The following NCALD variants were observed in gnomAD, a reference collection of about 807,000 sequenced individuals.
The protein encoded by NCALD is neurocalcin-delta.
In NCALD, 10 loss-of-function variants were observed where a neutral mutation model predicts 18.6. The ratio of observed to expected loss-of-function variants is 0.54; its 90% CI spans 0.33 to 0.91. The LOEUF (loss-of-function observed/expected upper bound fraction) is 0.91, where lower values mean the gene tolerates loss of function less well. Among genes scored for constraint, NCALD ranks in the 40% least tolerant of loss-of-function variants. The probability of loss-of-function intolerance (pLI) is 0.03; values close to 1 mark genes in which losing one functional copy is unlikely to be tolerated. For synonymous variants in NCALD, 88 were observed against 87.4 expected (o/e 1.01, Z -0.04); for missense variants, 184 against 247.6 (o/e 0.74, Z 1.72).
chr8:101,818,438 A>G (rs1031861098), intron 4 of NCALD, among the ~76,000 whole-genome samples: 1 of 152,196 alleles, frequency 6.6e-6, no homozygotes, highest in African/African-American at 2.4e-5. Flanking sequence ...CTGAGACACT[A>G]GACTTCACAG....
intron 2 of NCALD, among the ~76,000 whole-genome samples, chr8:101,984,518 A>C (rs1820732471): frequency 6.6e-6 from 1 of 152,214 alleles, no homozygotes; most frequent in Admixed American, 6.5e-5. Flanking sequence ...AATTATTTCT[A>C]AATGACTCAA....
In NCALD at chr8:102,033,025, A is replaced by G. The variant is rs79286420; in HGVS notation, c.-209-12736T>C. Among the ~76,000 whole-genome samples the G allele has an allele frequency of 3.8e-3, 586 of 152,314 alleles. 6 individuals are homozygous for G. Among genetic ancestry groups the G allele is most frequent in the East Asian group, 0.032 (167 of 5,190 alleles). On this transcript the variant is annotated intron_variant, in intron 1 of 6. Transcript: ENST00000311028. ...GGATTCTTTCCAGTATGAAGTGGGCAAAGATTTGTTCTTAGGGAAATAAAC... is the reference window on the plus strand; with the variant it reads ...GGATTCTTTCCAGTATGAAGTGGGCGAAGATTTGTTCTTAGGGAAATAAAC...
chr8:101,979,775 A>G (rs111447714), intron 2 of NCALD, among the ~76,000 whole-genome samples: 2,371 of 152,294 alleles, frequency 0.016, 51 homozygotes, highest in African/African-American at 0.048. Context: ...CAAATAGAAA[A>G]AAGTGAAGAA....
intron 1 of NCALD, among the ~76,000 whole-genome samples, chr8:101,741,420 C>T (rs189740026): frequency 4.6e-5 from 7 of 152,176 alleles, no homozygotes; most frequent in African/African-American, 1.4e-4. Flanking sequence ...TACAGCTATG[C>T]GTTTATCATG....
chr8:101,952,346 G>A (rs550197239), intron 2 of NCALD, among the ~76,000 whole-genome samples: 19 of 152,236 alleles, frequency 1.2e-4, no homozygotes, highest in African/African-American at 3.6e-4. Flanking sequence ...CCTCTTCTCC[G>A]CCAAGCTCTG....
intron 2 of NCALD, among the ~76,000 whole-genome samples, chr8:101,928,850 GC>G (rs1462735233): frequency 1.3e-5 from 2 of 152,104 alleles, no homozygotes; most frequent in African/African-American, 4.8e-5. Flanking sequence ...ATAAAGAGAA[GC>G]TGAGTCAACA....
chr8:102,116,381 C>T (rs968190261), intron 1 of NCALD, among the ~76,000 whole-genome samples: 3 of 152,142 alleles, frequency 2.0e-5, no homozygotes, highest in Non-Finnish European at 2.9e-5. Flanking sequence ...CCATAGTTGC[C>T]GTGTATCCTA....
At chr8:101,850,526 A>C (rs1815050149) in intron 4 of NCALD, among the ~76,000 whole-genome samples, 1 of 152,230 alleles carries the variant, frequency 6.6e-6, no homozygotes, top group Non-Finnish European at 1.5e-5. Context: ...AAGGATCTGC[A>C]AATCTATAGG....
chr8:101,935,697 GGAAGT>G (rs1818735661), intron 2 of NCALD, among the ~76,000 whole-genome samples: 1 of 151,750 alleles, frequency 6.6e-6, no homozygotes, highest in Non-Finnish European at 1.5e-5. Flanking sequence ...AGTGGGGAGA[GGAAGT>G]GGATATGATG....
chr8:102,002,605 A>C (rs1300922012), intron 2 of NCALD, among the ~76,000 whole-genome samples: 1 of 152,244 alleles, frequency 6.6e-6, no homozygotes, highest in Non-Finnish European at 1.5e-5. Context: ...CACCTATTCC[A>C]AAACTGACCA....
intron 4 of NCALD, among the ~76,000 whole-genome samples, chr8:101,831,846 AT>A (rs772851493): frequency 6.6e-6 from 1 of 152,168 alleles, no homozygotes; most frequent in Non-Finnish European, 1.5e-5. Flanking sequence ...CCTAGTTCTC[AT>A]TAGGAAATCC....
rs1811298393 is a variant in NCALD at position 101,765,256 on chromosome 8, G to C, written c.-20+25606C>G. On this transcript the variant is annotated intron_variant, in intron 1 of 3. Coordinates refer to ENST00000220931, the MANE Select transcript of NCALD (RefSeq NM_032041.3). ...AGATTAAGCAGGGGAGTGAAAAGAA[G>C]TCCTGTCCTTTTTTACCTAGCACAC... Among the ~76,000 whole-genome samples the C allele has an allele frequency of 2.0e-5, 3 of 152,328 alleles. 1 individual carries two copies. The South Asian group carries it at 6.2e-4, about 32-fold the overall frequency.
chr8:101,880,936 G>A (rs141458871), intron 4 of NCALD, among the ~76,000 whole-genome samples: 166 of 152,234 alleles, frequency 1.1e-3, no homozygotes, highest in African/African-American at 3.8e-3. Context: ...AGAGGGCCTC[G>A]AATGTCATGA....
intron 4 of NCALD, among the ~76,000 whole-genome samples, chr8:101,842,439 T>C (rs1181146178): frequency 2.0e-5 from 3 of 152,244 alleles, no homozygotes. Flanking sequence ...TTCATTAAAA[T>C]AGAGCTTTGC....
rs546063059 is a variant in NCALD, at chr8:101,871,993, C to G, written c.-20+15148G>C. ...CAACTCATCTCTGGTCAGGTTCATG[C>G]CGCCAAACACCAGAGGACCGATCAA... On this transcript the variant is annotated intron_variant, in intron 4 of 6. Coordinates refer to the NCALD transcript ENST00000311028. The G allele has an allele frequency of 1.0e-5, 9 of 863,674 alleles. No individual in the cohort carries two copies. The East Asian group carries it at 1.9e-4, about 19-fold the overall frequency. 53.5% of individuals were successfully genotyped at this position (863,674 alleles called of 1,614,324 possible).
At chr8:101,957,288 GGTTTTTTTT>G (rs1233374071) in intron 2 of NCALD, among the ~76,000 whole-genome samples, 1 of 128,188 alleles carries the variant, frequency 7.8e-6, no homozygotes, top group African/African-American at 3.1e-5. Flanking sequence ...GAAAAGTTGG[GGTTTTTTTT>G]TTTTTTTTTT....
At chr8:101,981,226 G>A (rs115655226) in intron 2 of NCALD, among the ~76,000 whole-genome samples, 2,943 of 152,204 alleles carry the variant, frequency 0.019, 71 homozygotes, top group African/African-American at 0.061. Context: ...TGCCTATTCT[G>A]AAAAACTACA....
At chr8:101,776,895 T>C (rs1811815749) in intron 1 of NCALD, among the ~76,000 whole-genome samples, 1 of 152,120 alleles carries the variant, frequency 6.6e-6, no homozygotes, top group Admixed American at 6.6e-5. Flanking sequence ...AGACCTGCAC[T>C]CACTGAACTG....
intron 1 of NCALD, among the ~76,000 whole-genome samples, chr8:102,107,940 C>T (rs1825524468): frequency 6.6e-6 from 1 of 152,170 alleles, no homozygotes; most frequent in Non-Finnish European, 1.5e-5. Context: ...TCCCCTCACC[C>T]CACCCACACT....
Sources: gnomAD v4.1 joint callset for allele counts (sites outside exome capture counted in the v4.1 genomes callset) on GRCh38, gnomAD v4.1.1 for gene constraint, MANE v1.5 for transcripts, NCBI Gene and HGNC (gene_info 2026-07-23, HGNC 2026-07-21) for gene names.